BMPER: variants seen among roughly 807,000 people sequenced by gnomAD.
BMPER encodes the protein BMP binding endothelial regulator.
Under a neutral mutation model 87.3 loss-of-function variants are expected in BMPER, and 45 were observed. That is an observed-to-expected ratio of 0.52 (90% confidence interval 0.41 to 0.66). The LOEUF (loss-of-function observed/expected upper bound fraction) is 0.66. Ranked by LOEUF, BMPER falls within the 30% of genes least tolerant of loss-of-function variation. The pLI is 0.00. For missense variants in BMPER, 784 were observed against 867.5 expected (o/e 0.90, Z 1.21); for synonymous variants, 326 against 316.2 (o/e 1.03, Z -0.33).
At chr7:34,123,122 A>G (rs753609557) in intron 13 of BMPER, among the ~76,000 whole-genome samples, 9 of 152,228 alleles carry the variant, frequency 5.9e-5, no homozygotes, top group Non-Finnish European at 8.8e-5. Flanking sequence ...GAAGAAAATC[A>G]TTAGACTGTA....
chr7:34,020,882 A>G (rs1006159873), intron 6 of BMPER, among the ~76,000 whole-genome samples: 1 of 151,752 alleles, frequency 6.6e-6, no homozygotes, highest in Non-Finnish European at 1.5e-5. Context: ...ACACACACAC[A>G]CACACACACG....
chr7:34,149,880 CTG>C (rs1791128105), intron 14 of BMPER, among the ~76,000 whole-genome samples: 2 of 152,082 alleles, frequency 1.3e-5, no homozygotes, highest in Admixed American at 1.3e-4. Flanking sequence ...GCTAAAATGA[CTG>C]TAAATTCTTC....
intron 13 of BMPER, among the ~76,000 whole-genome samples, chr7:34,129,803 T>C (rs1369013711): frequency 6.6e-6 from 1 of 152,116 alleles, no homozygotes; most frequent in Non-Finnish European, 1.5e-5. Context: ...TCTTGTCCCT[T>C]GTCTGGAGTC....
Position 34,121,125 on chromosome 7 carries a change from A to G in BMPER, c.1746-22105A>G, listed in dbSNP as rs192598447. On this transcript the variant is annotated intron_variant, in intron 13 of 14. Coordinates refer to ENST00000649409, the MANE Select transcript of BMPER (RefSeq NM_001365308.1). The stretch of plus-strand genomic sequence containing the variant: ...TTACTAAAATAATAATTAAACAAGG[A>G]ATAGTTATTTGCCTTTGGGGAAGAA... Among the ~76,000 whole-genome samples, 3 of 152,040 alleles carry G rather than the reference A, an allele frequency of 2.0e-5. No individual in the cohort carries two copies. The East Asian group carries it at 5.8e-4, about 29-fold the overall frequency.
chr7:34,090,636 T>C (rs900423747), intron 13 of BMPER, among the ~76,000 whole-genome samples: 5 of 152,204 alleles, frequency 3.3e-5, no homozygotes, highest in Admixed American at 6.5e-5. Context: ...TTTTATTCCT[T>C]GTGCCTATGA....
intron 3 of BMPER, among the ~76,000 whole-genome samples, chr7:33,959,546 A>C (rs1462175410): frequency 6.6e-6 from 1 of 152,138 alleles, no homozygotes; most frequent in African/African-American, 2.4e-5. Context: ...TTGCAGTGGG[A>C]TTCAGCCCTG....
intron 6 of BMPER, among the ~76,000 whole-genome samples, chr7:33,987,136 G>A (rs1237545976): frequency 6.6e-6 from 1 of 151,916 alleles, no homozygotes; most frequent in East Asian, 1.9e-4. Flanking sequence ...CCAGAATTTT[G>A]CACACACTAG....
intron 6 of BMPER, among the ~76,000 whole-genome samples, chr7:33,983,982 G>A (rs936278536): frequency 1.3e-5 from 2 of 152,142 alleles, no homozygotes; most frequent in Admixed American, 6.5e-5. Context: ...TGGGCATTGA[G>A]CCTAAGCATT....
chr7:33,979,230 C>A (rs1478245785), intron 6 of BMPER, among the ~76,000 whole-genome samples: 1 of 151,814 alleles, frequency 6.6e-6, no homozygotes, highest in Admixed American at 6.6e-5. Context: ...TTTCCCAAAC[C>A]TATTACTCTG....
chr7:33,993,351 G>A (rs974443511), intron 6 of BMPER, among the ~76,000 whole-genome samples: 27 of 138,642 alleles, frequency 1.9e-4, no homozygotes, highest in Non-Finnish European at 3.8e-4. Flanking sequence ...TTCCCTTCTC[G>A]CTTCATTTCA....
At chr7:33,947,769 T>C (rs560008520) in intron 3 of BMPER, among the ~76,000 whole-genome samples, 91 of 152,278 alleles carry the variant, frequency 6.0e-4, no homozygotes, top group Non-Finnish European at 1.9e-4. Context: ...GCATTATTAA[T>C]TATAGGTTGC....
rs554671897 is a variant in BMPER, at chr7:33,971,942, G to A, written c.493+1523G>A. On this transcript the variant is annotated intron_variant, in intron 5 of 14. Transcript: ENST00000649409. ...TTTTGAGATGGAGTCTCACTCTGTC[G>A]CCCCGGCTGAAGTACAGTGGTGTGA... is the stretch of plus-strand genomic sequence containing the variant. 1.2e-4 allele frequency among the ~76,000 whole-genome samples: 18 copies of A among 152,042 alleles called. No individual in the cohort carries two copies. The South Asian group carries it at 1.9e-3, about 16-fold the overall frequency.
chr7:33,976,033 TATA>T (rs1785678720), intron 6 of BMPER, among the ~76,000 whole-genome samples: 1 of 152,158 alleles, frequency 6.6e-6, no homozygotes, highest in African/African-American at 2.4e-5. Context: ...ACATCAGGTA[TATA>T]ATAATATATA....
chr7:34,123,234 G>GT lies in BMPER; in HGVS notation c.1746-19990dup, dbSNP rs534857504. Reference sequence around the variant, plus strand: ...AGAAGTACTAAAATTATGTATCTTAGTTTTTTCTTATAAAAACAGGAGTTT... The same window carrying GT: ...AGAAGTACTAAAATTATGTATCTTAGTTTTTTTCTTATAAAAACAGGAGTTT... On this transcript the variant is annotated intron_variant, in intron 13 of 14. Coordinates refer to ENST00000649409, the MANE Select transcript of BMPER (RefSeq NM_001365308.1). Among the ~76,000 whole-genome samples the GT allele has an allele frequency of 9.9e-4, 151 of 152,236 alleles. 2 individuals are homozygous for GT. The highest frequency in any genetic ancestry group is 3.4e-3 in the African/African-American group (142 of 41,532).
At chr7:34,116,552 C>T (rs1790123331) in intron 13 of BMPER, among the ~76,000 whole-genome samples, 1 of 152,130 alleles carries the variant, frequency 6.6e-6, no homozygotes, top group Non-Finnish European at 1.5e-5. Flanking sequence ...AATTGTGAGA[C>T]CCTTAGAGAT....
chr7:34,150,417 G>A lies in BMPER; in HGVS notation c.1877-2675G>A, dbSNP rs141830789. On this transcript the variant is annotated intron_variant, in intron 14 of 14. Coordinates refer to ENST00000649409, the MANE Select transcript of BMPER (RefSeq NM_001365308.1). ...TGATCCCACCTTGAGGTGTCCTAAT[G>A]TAATTGATCTGGGATGAAGTCTGGG... Among the ~76,000 whole-genome samples the A allele has an allele frequency of 5.6e-3, 860 of 152,246 alleles. 3 individuals are homozygous for A. Among genetic ancestry groups the A allele is most frequent in the Non-Finnish European group, 9.3e-3 (635 of 68,012 alleles).
At chr7:34,048,799 C>T (rs1211861057) in intron 7 of BMPER, among the ~76,000 whole-genome samples, 2 of 152,116 alleles carry the variant, frequency 1.3e-5, no homozygotes. Context: ...TTGGGCTAGA[C>T]CCCCATGGAA....
chr7:33,905,759 G>A lies in BMPER; in HGVS notation c.133+13G>A, dbSNP rs751359581. ...TCCTTCTTGACAGGTAGGGGAGGGG[G>A]CGGGAGGGACCGGCCCTCCGGGACG... On this transcript the variant is annotated intron_variant, in intron 1 of 14. Transcript: ENST00000649409. The A allele has an allele frequency of 6.2e-7, 1 of 1,605,364 alleles. No homozygotes were observed. Among genetic ancestry groups the A allele is most frequent in the Admixed American group, 1.7e-5 (1 of 59,940 alleles).
intron 6 of BMPER, among the ~76,000 whole-genome samples, chr7:34,015,982 G>A (rs1004880267): frequency 6.6e-6 from 1 of 151,760 alleles, no homozygotes; most frequent in African/African-American, 2.4e-5. Context: ...GACAGATGGA[G>A]AAAGAGAGAG....
Sources: allele counts gnomAD v4.1 joint callset (sites outside exome capture counted in the v4.1 genomes callset), GRCh38; gene constraint gnomAD v4.1.1; transcripts MANE v1.5; gene names NCBI Gene and HGNC (gene_info 2026-07-23, HGNC 2026-07-21).